ROBO1: variants seen among roughly 807,000 people sequenced by gnomAD.
ROBO1 encodes the protein roundabout homolog 1.
A neutral mutation model predicts 195.9 loss-of-function variants in ROBO1; 149 were observed. That is an observed-to-expected ratio of 0.76 (90% CI 0.67 to 0.87). ROBO1 has a LOEUF of 0.87. ROBO1 is among the 40% of genes least tolerant of loss of function. The pLI is 0.00. For synonymous variants in ROBO1, 816 were observed against 733.2 expected (o/e 1.11, Z -1.82); for missense variants, 1,933 against 2,068.3 (o/e 0.93, Z 1.27).
At chr3:79,358,280 C>T (rs899319509) in intron 2 of ROBO1, among the ~76,000 whole-genome samples, 12 of 151,998 alleles carry the variant, frequency 7.9e-5, no homozygotes, top group East Asian at 5.8e-4. Flanking sequence ...CATATAGATA[C>T]GGCTATTCAT....
intron 1 of ROBO1, among the ~76,000 whole-genome samples, chr3:79,729,875 A>G (rs934258325): frequency 2.0e-5 from 3 of 152,212 alleles, no homozygotes; most frequent in Non-Finnish European, 4.4e-5. Context: ...ATTTAATTAT[A>G]GAGTGATTGA....
chr3:78,950,955 A>T (rs9868575), intron 3 of ROBO1, among the ~76,000 whole-genome samples: 14,905 of 151,962 alleles, frequency 0.098, 1,721 homozygotes, highest in African/African-American at 0.29. Context: ...TTGCACAATT[A>T]AAATTCAATA....
intron 1 of ROBO1, among the ~76,000 whole-genome samples, chr3:79,697,402 C>G (rs1351006090): frequency 6.6e-5 from 10 of 151,006 alleles, no homozygotes; most frequent in Admixed American, 4.6e-4. Flanking sequence ...AAAAGAATAT[C>G]CAATGAGCTA....
Position 78,668,227 on chromosome 3 carries a change from A to C in ROBO1, c.1706T>G (p.Val569Gly). The change falls in exon 13 of 31, where the codon GTG (valine) becomes GGG (glycine). Residue 569 changes from valine (V) to glycine (G), a missense_variant. Val to Gly is a moderately radical substitution (Grantham distance 109, BLOSUM62 -3). Transcript: ENST00000464233. Reference protein sequence around the residue: ...LIPSAPSKPEVTDVSRNTVTL... With the variant: ...LIPSAPSKPEGTDVSRNTVTL... ...GACTGTATTTCTGCTGACATCTGTCACTTCAGGTTTTGATGGGGCACTAGG... is the reference window on the plus strand; with the variant it reads ...GACTGTATTTCTGCTGACATCTGTCCCTTCAGGTTTTGATGGGGCACTAGG... 6.2e-6 allele frequency: 10 copies of C among 1,613,584 alleles called. No homozygotes were observed. Among genetic ancestry groups the C allele is most frequent in the Non-Finnish European group, 8.5e-6 (10 of 1,179,506 alleles).
chr3:79,405,698 C>A (rs912879883), intron 2 of ROBO1, among the ~76,000 whole-genome samples: 1 of 152,068 alleles, frequency 6.6e-6, no homozygotes, highest in Non-Finnish European at 1.5e-5. Context: ...TCTTTTGTAA[C>A]TTTATATTGT....
At chr3:79,490,180 G>GA (rs935278097) in intron 2 of ROBO1, among the ~76,000 whole-genome samples, 6 of 151,236 alleles carry the variant, frequency 4.0e-5, no homozygotes, top group East Asian at 1.9e-4. Context: ...TCTCTTACTA[G>GA]AAAAAAAAAG....
intron 2 of ROBO1, among the ~76,000 whole-genome samples, chr3:79,301,537 C>T (rs969932399): frequency 2.6e-5 from 4 of 152,180 alleles, no homozygotes; most frequent in Non-Finnish European, 5.9e-5. Flanking sequence ...AGTGTTTCAA[C>T]CTCTGTAGGA....
rs188470021 is a variant in ROBO1, at chr3:78,822,279, G to A, written c.500-75379C>T. Among the ~76,000 whole-genome samples, 3 of 152,048 alleles carry A rather than the reference G, an allele frequency of 2.0e-5. No homozygotes were observed. In the South Asian group the frequency reaches 6.2e-4, roughly 32 times the overall value. ...GCGGTGAAAACAAAGGGGATGTGTG[G>A]GGTGGACTAGTATCATCCACTACAA... On this transcript the variant is annotated intron_variant, in intron 4 of 30. Coordinates refer to ENST00000464233, the MANE Select transcript of ROBO1 (RefSeq NM_002941.4).
chr3:78,803,029 G>C (rs191192074), intron 4 of ROBO1, among the ~76,000 whole-genome samples: 49 of 152,202 alleles, frequency 3.2e-4, no homozygotes, highest in African/African-American at 1.1e-3. Context: ...TTATTGAAAA[G>C]AAACGAGTAC....
intron 2 of ROBO1, among the ~76,000 whole-genome samples, chr3:79,580,988 A>G (rs1943642752): frequency 6.6e-6 from 1 of 152,208 alleles, no homozygotes; most frequent in Admixed American, 6.5e-5. Flanking sequence ...TGTTTATATA[A>G]CAAAGGATAC....
chr3:78,922,888 G>T (rs149819826), intron 4 of ROBO1, among the ~76,000 whole-genome samples: 2 of 152,004 alleles, frequency 1.3e-5, no homozygotes, highest in African/African-American at 4.8e-5. Context: ...GTGAGCTATC[G>T]CATCTGGACT....
At chr3:79,637,586 G>A (rs906197770) in intron 1 of ROBO1, among the ~76,000 whole-genome samples, 14 of 152,058 alleles carry the variant, frequency 9.2e-5, no homozygotes, top group South Asian at 4.2e-4. Context: ...TGATGTAATC[G>A]TATTTGAATT....
At chr3:79,201,994 C>T (rs2081774201) in intron 2 of ROBO1, among the ~76,000 whole-genome samples, 1 of 151,646 alleles carries the variant, frequency 6.6e-6, no homozygotes, top group Non-Finnish European at 1.5e-5. Context: ...CCCTCAATTT[C>T]CCTTCTTTGC....
chr3:79,442,584 T>G (rs1393861553), intron 2 of ROBO1, among the ~76,000 whole-genome samples: 1 of 152,144 alleles, frequency 6.6e-6, no homozygotes, highest in Non-Finnish European at 1.5e-5. Flanking sequence ...GGGTTGTGGC[T>G]GTGGAAGTCT....
At chr3:79,208,295 T>C (rs1271231454) in intron 2 of ROBO1, among the ~76,000 whole-genome samples, 1 of 152,232 alleles carries the variant, frequency 6.6e-6, no homozygotes, top group Non-Finnish European at 1.5e-5. Context: ...TTTCCCCCTT[T>C]GCTTCCTTCC....
intron 2 of ROBO1, among the ~76,000 whole-genome samples, chr3:79,510,211 G>T (rs986665861): frequency 6.6e-6 from 1 of 152,154 alleles, no homozygotes; most frequent in Admixed American, 6.5e-5. Context: ...CGGATAGGAG[G>T]TAATTGAATC....
intron 8 of ROBO1, among the ~76,000 whole-genome samples, chr3:78,707,080 G>C (rs1273748799): frequency 6.6e-6 from 1 of 152,118 alleles, no homozygotes; most frequent in African/African-American, 2.4e-5. Context: ...GCTGCTTCTT[G>C]TTTTACTGAA....
Position 78,784,378 on chromosome 3 carries a change from T to C in ROBO1, c.500-37478A>G, listed in dbSNP as rs76559644. ...ATGAGGGCTTTGATTATCTAATGAA[T>C]AAGAAATTAATACAGACAAATGTTC... On this transcript the variant is annotated intron_variant, in intron 4 of 30. Coordinates refer to ENST00000464233, the MANE Select transcript of ROBO1 (RefSeq NM_002941.4). Among the ~76,000 whole-genome samples, 6 of 152,264 alleles carry C rather than the reference T, an allele frequency of 3.9e-5. No individual in the cohort carries two copies. In the East Asian group the frequency reaches 9.6e-4, roughly 24 times the overall value.
intron 21 of ROBO1, among the ~76,000 whole-genome samples, chr3:78,643,686 C>G (rs1005631511): frequency 6.6e-6 from 1 of 151,994 alleles, no homozygotes; most frequent in Non-Finnish European, 1.5e-5. Context: ...CATGATAGGT[C>G]CTATTGATAA....
Sources: gnomAD v4.1 joint callset for allele counts (sites outside exome capture counted in the v4.1 genomes callset) on GRCh38, gnomAD v4.1.1 for gene constraint, MANE v1.5 for transcripts, NCBI Gene and HGNC (gene_info 2026-07-23, HGNC 2026-07-21) for gene names.